Variants in ARHGEF3 observed in about 807,000 individuals in gnomAD.
ARHGEF3 encodes the protein Rho guanine nucleotide exchange factor 3, also known as 59.8 kDA protein.
In ARHGEF3, 28 loss-of-function variants were observed where a neutral mutation model predicts 63.2. The observed-to-expected ratio is 0.44, with a 90% CI of 0.33 to 0.61. The LOEUF (loss-of-function observed/expected upper bound fraction) is 0.61. Ranked by LOEUF, ARHGEF3 falls within the 20% of genes least tolerant of loss-of-function variation. ARHGEF3 has a pLI of 0.03. For synonymous variants in ARHGEF3, 266 were observed against 254.2 expected (o/e 1.05, Z -0.44); for missense variants, 533 against 659.3 (o/e 0.81, Z 2.10).
rs71076013 is a variant in ARHGEF3 at position 57,042,651 on chromosome 3, AATATATATATATATATATATATATATAT to A, written c.-27-7503_-27-7476del. On this transcript the variant is annotated intron_variant, in intron 1 of 12. Coordinates refer to the ARHGEF3 transcript ENST00000338458. ...CCCAGCATAACACTGTATGTACATA[AATATATATATATATATATATATATATAT>A]ATATATATATATATATATATATTTT... 1.0e-4 allele frequency among the ~76,000 whole-genome samples: 5 copies of A among 49,262 alleles called. 1 individual carries two copies. The highest frequency in any genetic ancestry group is 3.0e-4 in the African/African-American group (4 of 13,540). The allele number at this position is 49,262 out of a possible 152,430, so 32.3% of individuals were successfully genotyped here.
intron 3 of ARHGEF3, among the ~76,000 whole-genome samples, chr3:56,956,276 T>G (rs141491243): frequency 7.9e-5 from 12 of 152,214 alleles, no homozygotes; most frequent in African/African-American, 2.9e-4. Context: ...TTTTTAAATT[T>G]TATTTATTTA....
intron 1 of ARHGEF3, among the ~76,000 whole-genome samples, chr3:56,778,557 G>C (rs902867659): frequency 6.6e-6 from 1 of 152,166 alleles, no homozygotes; most frequent in Non-Finnish European, 1.5e-5. Flanking sequence ...CTTTGAGACA[G>C]GGTCTTGCTC....
At chr3:56,962,272 A>T (rs1283859785) in intron 2 of ARHGEF3, among the ~76,000 whole-genome samples, 1 of 152,176 alleles carries the variant, frequency 6.6e-6, no homozygotes, top group African/African-American at 2.4e-5. Flanking sequence ...TCACCAAAGG[A>T]GGGGCCTCTC....
At chr3:56,796,667 C>G (rs1175346624) in intron 1 of ARHGEF3, among the ~76,000 whole-genome samples, 1 of 152,160 alleles carries the variant, frequency 6.6e-6, no homozygotes, top group East Asian at 1.9e-4. Flanking sequence ...TGGGTTCATC[C>G]TTCACGTGTT....
intron 3 of ARHGEF3, among the ~76,000 whole-genome samples, chr3:56,943,868 C>T (rs533716190): frequency 2.4e-4 from 36 of 150,390 alleles, no homozygotes; most frequent in African/African-American, 4.9e-4. Context: ...GAGCCAGGAT[C>T]GCGCTACTGC....
intron 2 of ARHGEF3, among the ~76,000 whole-genome samples, chr3:56,978,401 A>G (rs1311628533): frequency 6.6e-6 from 1 of 152,230 alleles, no homozygotes; most frequent in African/African-American, 2.4e-5. Context: ...TGACATGTAC[A>G]TTTTTGTAAT....
chr3:56,924,001 C>T (rs1578856934), intron 3 of ARHGEF3, among the ~76,000 whole-genome samples: 1 of 152,238 alleles, frequency 6.6e-6, no homozygotes, highest in Non-Finnish European at 1.5e-5. Context: ...CCTGGTAAGG[C>T]TGAGAGATTT....
At chr3:56,884,847 C>A (rs893346386) in intron 3 of ARHGEF3, among the ~76,000 whole-genome samples, 2 of 152,136 alleles carry the variant, frequency 1.3e-5, no homozygotes, top group African/African-American at 2.4e-5. Flanking sequence ...ACTTTTTGAG[C>A]CAGATATGGT....
chr3:56,819,694 A>T (rs1017774258), intron 4 of ARHGEF3, among the ~76,000 whole-genome samples: 3 of 149,338 alleles, frequency 2.0e-5, no homozygotes, highest in African/African-American at 7.4e-5. Flanking sequence ...TTACTTATTT[A>T]TTTTTTGTAG....
chr3:56,946,630 AAAG>A (rs1353498797), intron 3 of ARHGEF3, among the ~76,000 whole-genome samples: 1 of 152,230 alleles, frequency 6.6e-6, no homozygotes, highest in African/African-American at 2.4e-5. Flanking sequence ...GAGTATGTGA[AAAG>A]ACCAATTCTA....
intron 2 of ARHGEF3, among the ~76,000 whole-genome samples, chr3:56,978,844 T>C (rs1247142479): frequency 6.6e-6 from 1 of 152,042 alleles, no homozygotes; most frequent in Non-Finnish European, 1.5e-5. Context: ...CAGCCAACAA[T>C]AGGAACCAGT....
chr3:56,729,722 A>G (rs1473616418), intron 9 of ARHGEF3, 100 bp from the exon 10 acceptor site: 2 of 1,002,166 alleles, frequency 2.0e-6, no homozygotes, highest in East Asian at 4.9e-5. Flanking sequence ...AATCCATGGC[A>G]GGTATTGCTG....
At position 57,074,043 on chromosome 3, in the gene ARHGEF3, A is replaced by C. The variant is rs1338910888; in HGVS notation, c.-28+5183T>G. On this transcript the variant is annotated intron_variant, in intron 1 of 12. Coordinates refer to the ARHGEF3 transcript ENST00000338458. ...TCCAGCTCTCCTGATACAGCAAGGC[A>C]GTTGTGAGCAAGTTATTCATAACTC... 6.2e-7 allele frequency: 1 copy of C among 1,614,232 alleles called. No individual in the cohort carries two copies. The highest frequency in any genetic ancestry group is 8.5e-7 in the Non-Finnish European group (1 of 1,180,036).
intron 3 of ARHGEF3, among the ~76,000 whole-genome samples, chr3:56,954,970 T>C (rs140707783): frequency 2.8e-4 from 42 of 152,308 alleles, no homozygotes; most frequent in African/African-American, 9.4e-4. Flanking sequence ...TTTAAAGTTA[T>C]TTTGAAATCT....
At chr3:56,807,850 G>A (rs2037917809) in intron 4 of ARHGEF3, among the ~76,000 whole-genome samples, 1 of 152,208 alleles carries the variant, frequency 6.6e-6, no homozygotes, top group African/African-American at 2.4e-5. Context: ...TGGGCTGGGT[G>A]CAGTGGCTCA....
intron 7 of ARHGEF3, among the ~76,000 whole-genome samples, chr3:56,738,804 C>A (rs555634256): frequency 6.6e-6 from 1 of 152,166 alleles, no homozygotes; most frequent in African/African-American, 2.4e-5. Flanking sequence ...AACTCAATGA[C>A]ACCAGGCCAG....
intron 1 of ARHGEF3, among the ~76,000 whole-genome samples, chr3:57,057,035 A>G (rs1188129840): frequency 1.3e-5 from 2 of 151,956 alleles, no homozygotes; most frequent in Non-Finnish European, 2.9e-5. Flanking sequence ...CCCCCTTGGT[A>G]GTACCTCCAG....
At position 56,934,202 on chromosome 3, in the gene ARHGEF3, C is replaced by G. The variant is rs553916177; in HGVS notation, c.129+24621G>C. 2.0e-5 allele frequency among the ~76,000 whole-genome samples: 3 copies of G among 152,356 alleles called. No individual in the cohort carries two copies. The South Asian group carries it at 6.2e-4, about 32-fold the overall frequency. ...CAGGATATTTGCCCCACTTCACCAACGTTGTCCACAGCTCCTGCTGAGTGA... is the reference window on the plus strand; with the variant it reads ...CAGGATATTTGCCCCACTTCACCAAGGTTGTCCACAGCTCCTGCTGAGTGA... On this transcript the variant is annotated intron_variant, in intron 3 of 12. Coordinates refer to the ARHGEF3 transcript ENST00000338458.
At chr3:57,000,310 C>CACA (rs1560120499) in intron 2 of ARHGEF3, among the ~76,000 whole-genome samples, 39,092 of 139,118 alleles carry the variant, frequency 0.28, 6,170 homozygotes, top group Non-Finnish European at 0.37. Flanking sequence ...AGGGTAACTC[C>CACA]CACACACACA....
Sources: allele counts gnomAD v4.1 joint callset (sites outside exome capture counted in the v4.1 genomes callset), GRCh38; gene constraint gnomAD v4.1.1; transcripts MANE v1.5; gene names NCBI Gene and HGNC (gene_info 2026-07-23, HGNC 2026-07-21).